The following ME1 variants were observed in gnomAD, a reference collection of about 807,000 sequenced individuals.
ME1 encodes the protein malic enzyme 1, also known as NADP-dependent malic enzyme.
A neutral mutation model predicts 66.4 loss-of-function variants in ME1; 74 were observed. That is an observed-to-expected ratio of 1.11 (90% CI 0.92 to 1.35). ME1 has a LOEUF of 1.35. ME1 is among the 40% of genes most tolerant of loss of function. ME1 has a pLI of 0.00. For synonymous variants in ME1, 251 were observed against 235.6 expected (o/e 1.07, Z -0.60); for missense variants, 750 against 694.1 (o/e 1.08, Z -0.90).
In ME1 at chr6:83,236,037, T is replaced by C. The variant is rs116850170; in HGVS notation, c.1026+1680A>G. 7.9e-3 allele frequency among the ~76,000 whole-genome samples: 1,200 copies of C among 152,200 alleles called. 7 individuals are homozygous for C. Among genetic ancestry groups the C allele is most frequent in the Non-Finnish European group, 0.013 (910 of 67,982 alleles). The stretch of plus-strand genomic sequence containing the variant: ...CTTCTATGACTTTCATATACAACTG[T>C]ATTTTAAATAAAAAATAATATATAC... On this transcript the variant is annotated intron_variant, in intron 9 of 13. Transcript: ENST00000369705.
At chr6:83,274,842 T>C (rs561199771) in intron 6 of ME1, among the ~76,000 whole-genome samples, 13 of 152,306 alleles carry the variant, frequency 8.5e-5, no homozygotes, top group African/African-American at 3.1e-4. Flanking sequence ...GCTAGTCGGC[T>C]CATGCACAGA....
At chr6:83,259,570 T>C (rs1416970899) in intron 6 of ME1, among the ~76,000 whole-genome samples, 1 of 152,164 alleles carries the variant, frequency 6.6e-6, no homozygotes, top group African/African-American at 2.4e-5. Flanking sequence ...AAGATCAGTA[T>C]TGGTTGCTGA....
intron 3 of ME1, among the ~76,000 whole-genome samples, chr6:83,363,795 A>G: frequency 6.6e-6 from 1 of 152,208 alleles, no homozygotes; most frequent in East Asian, 1.9e-4. Flanking sequence ...TTCCTCCTTT[A>G]TCATGTGACA....
At position 83,407,899 on chromosome 6, in the gene ME1, G is replaced by C. The variant is rs748646611; in HGVS notation, c.81C>G (p.Asp27Glu). The C allele has an allele frequency of 1.3e-6, 2 of 1,596,234 alleles. No individual in the cohort carries two copies. The highest frequency in any genetic ancestry group is 3.7e-5 in the Admixed American group (2 of 53,948). Residue 27 changes from aspartate to glutamate, a missense_variant and splice_region_variant, in exon 2 of 14, where the codon GAC (aspartate) becomes GAG (glutamate). Physicochemically the swap from Asp to Glu is conservative, Grantham distance 45 (BLOSUM62 2). Coordinates refer to ENST00000369705, the MANE Select transcript of ME1 (RefSeq NM_002395.6). ...LLTRNPHLNKDLAFTLEERQQ... is the reference protein window; with the variant it reads ...LLTRNPHLNKELAFTLEERQQ... ...GTCTCTCTTCCAGGGTAAAGGCCAA[G>C]TCCTATAGAGAAAAAACACACACAC...
At chr6:83,289,326 C>T (rs1379978827) in intron 6 of ME1, among the ~76,000 whole-genome samples, 3 of 152,128 alleles carry the variant, frequency 2.0e-5, no homozygotes, top group Non-Finnish European at 4.4e-5. Flanking sequence ...TATGTTCCAT[C>T]AATATCTAGT....
chr6:83,303,156 C>G (rs1767758844), intron 6 of ME1, among the ~76,000 whole-genome samples: 1 of 152,000 alleles, frequency 6.6e-6, no homozygotes, highest in Non-Finnish European at 1.5e-5. Context: ...ATTTCCATAT[C>G]TGCTTTAGGA....
intron 2 of ME1, among the ~76,000 whole-genome samples, chr6:83,403,806 G>A (rs762609654): frequency 2.6e-5 from 4 of 151,990 alleles, no homozygotes; most frequent in African/African-American, 7.3e-5. Flanking sequence ...CCAGCTTATC[G>A]ATGTCCCTGC....
At chr6:83,244,993 T>A (rs1313061200) in intron 7 of ME1, among the ~76,000 whole-genome samples, 2 of 152,014 alleles carry the variant, frequency 1.3e-5, no homozygotes, top group Non-Finnish European at 2.9e-5. Flanking sequence ...CTGTGACCTA[T>A]CAAAGAGCCG....
chr6:83,315,169 A>C, intron 6 of ME1, 141 bp downstream of exon 6: 1 of 590,858 alleles, frequency 1.7e-6, no homozygotes, highest in Non-Finnish European at 3.0e-6. Context: ...ATTAACAGTT[A>C]TGAGGAAATA....
chr6:83,324,583 T>G (rs2128540998), intron 5 of ME1, among the ~76,000 whole-genome samples: 1 of 151,730 alleles, frequency 6.6e-6, no homozygotes, highest in South Asian at 2.1e-4. Flanking sequence ...GTAAATAACC[T>G]AGAATATCTA....
intron 7 of ME1, among the ~76,000 whole-genome samples, chr6:83,247,634 G>A (rs1215422811): frequency 2.6e-5 from 4 of 152,114 alleles, no homozygotes; most frequent in Admixed American, 2.6e-4. Flanking sequence ...GCACTGGAAT[G>A]CAATTTCTGT....
intron 10 of ME1, among the ~76,000 whole-genome samples, chr6:83,228,059 C>G (rs1301691596): frequency 6.6e-6 from 1 of 152,118 alleles, no homozygotes; most frequent in East Asian, 1.9e-4. Context: ...TTGTAGTTAT[C>G]ATCATTATTT....
intron 9 of ME1, among the ~76,000 whole-genome samples, chr6:83,236,417 A>C (rs111941031): frequency 2.0e-5 from 3 of 152,334 alleles, no homozygotes; most frequent in Admixed American, 6.5e-5. Flanking sequence ...CTGTATGTAC[A>C]CATTCACATT....
intron 3 of ME1, among the ~76,000 whole-genome samples, chr6:83,394,435 A>C (rs560104808): frequency 6.6e-6 from 1 of 152,200 alleles, no homozygotes; most frequent in African/African-American, 2.4e-5. Flanking sequence ...ATGTATATCT[A>C]ATATGTATCA....
intron 6 of ME1, among the ~76,000 whole-genome samples, chr6:83,303,555 A>G (rs1450663370): frequency 1.3e-5 from 2 of 152,182 alleles, no homozygotes; most frequent in African/African-American, 4.8e-5. Flanking sequence ...AATAATTTAC[A>G]ATGTTGAATG....
Position 83,228,940 on chromosome 6 carries a change from A to T in ME1, c.1027-9T>A. On this transcript the variant is annotated splice_polypyrimidine_tract_variant and intron_variant, in intron 9 of 13. Transcript: ENST00000369705. The stretch of plus-strand genomic sequence containing the variant: ...GTTAAGGAAGCACGTCCCTAAGTAA[A>T]GCCAGTAAGAAAAAATTAAGAATCT... 6.3e-7 allele frequency: 1 copy of T among 1,576,830 alleles called. No individual in the cohort carries two copies. The highest frequency in any genetic ancestry group is 2.2e-5 in the East Asian group (1 of 44,734).
chr6:83,299,387 C>T (rs1767669771), intron 6 of ME1, among the ~76,000 whole-genome samples: 1 of 151,928 alleles, frequency 6.6e-6, no homozygotes, highest in Non-Finnish European at 1.5e-5. Context: ...GGAGTTCATT[C>T]ATGATTTGGC....
chr6:83,263,720 C>T (rs146924319), intron 6 of ME1, among the ~76,000 whole-genome samples: 2 of 151,636 alleles, frequency 1.3e-5, no homozygotes, highest in African/African-American at 2.4e-5. Context: ...GAGTCTGATC[C>T]GTGAAGTTTA....
At chr6:83,327,616 T>A (rs1006843945) in intron 5 of ME1, among the ~76,000 whole-genome samples, 2 of 152,188 alleles carry the variant, frequency 1.3e-5, no homozygotes, top group African/African-American at 4.8e-5. Flanking sequence ...CCTGATAAGA[T>A]GTTATCAATG....
Sources: allele counts gnomAD v4.1 joint callset (sites outside exome capture counted in the v4.1 genomes callset), GRCh38; gene constraint gnomAD v4.1.1; transcripts MANE v1.5; gene names NCBI Gene and HGNC (gene_info 2026-07-23, HGNC 2026-07-21).